The following SUPT6H variants were observed in gnomAD, a reference collection of about 807,000 sequenced individuals.
The protein encoded by SUPT6H is transcription elongation factor SPT6.
In SUPT6H, 11 loss-of-function variants were observed where a neutral mutation model predicts 222.3. That is an observed-to-expected ratio of 0.05 (90% CI 0.03 to 0.08). The LOEUF (loss-of-function observed/expected upper bound fraction) is 0.08. Among genes scored for constraint, SUPT6H ranks in the 10% least tolerant of loss-of-function variants. The probability of loss-of-function intolerance (pLI) is 1.00; values close to 1 mark genes in which losing one functional copy is unlikely to be tolerated. For missense variants in SUPT6H, 1,422 were observed against 2,216.0 expected (o/e 0.64, Z 7.19); for synonymous variants, 762 against 801.2 (o/e 0.95, Z 0.83).
At chr17:28,675,214 C>T (rs898927206) in intron 5 of SUPT6H, 52 bp downstream of exon 5, 2 of 1,557,370 alleles carry the variant, frequency 1.3e-6, no homozygotes, top group Non-Finnish European at 8.7e-7. Flanking sequence ...TTGGGATTTC[C>T]TGGCCCATGG....
At chr17:28,697,194 C>A in intron 30 of SUPT6H, 112 bp downstream of exon 30, 1 of 847,838 alleles carries the variant, frequency 1.2e-6, no homozygotes, top group Non-Finnish European at 1.9e-6. Flanking sequence ...TTTAGCTGTG[C>A]ACAGCAACAA....
Position 28,699,909 on chromosome 17 carries a change from C to T in SUPT6H, c.4561+16C>T. 6.2e-7 allele frequency: 1 copy of T among 1,609,774 alleles called. No individual in the cohort carries two copies. Among genetic ancestry groups the T allele is most frequent in the Non-Finnish European group, 8.5e-7 (1 of 1,176,230 alleles). ...CCTGTACCAGGTGAGTTCTGCTCTT[C>T]CTGACTTCAGGGACGTGGCTGGAGG... On this transcript the variant is annotated intron_variant, in intron 33 of 36. Transcript: ENST00000314616.
At chr17:28,689,073 A>G (rs537133697) in intron 24 of SUPT6H, 1 of 354,848 alleles carries the variant, frequency 2.8e-6, no homozygotes, top group South Asian at 4.0e-5. Flanking sequence ...GTTTTTCTAA[A>G]TTTTATTTTT....
rs763528052 is a variant in SUPT6H, at chr17:28,682,875, G to T, written c.1727+19G>T. On this transcript the variant is annotated intron_variant, in intron 14 of 36. Transcript: ENST00000314616. ...TTTGCAGGTAGGCATGCAGCAGGTG[G>T]CTGACAGGAGGAGGGGCCTGAGGAC... is the stretch of plus-strand genomic sequence containing the variant. The T allele has an allele frequency of 6.2e-7, 1 of 1,614,072 alleles. No homozygotes were observed. Among genetic ancestry groups the T allele is most frequent in the East Asian group, 2.2e-5 (1 of 44,880 alleles).
intron 9 of SUPT6H, 125 bp downstream of exon 9, chr17:28,678,317 T>C: frequency 1.1e-6 from 1 of 925,882 alleles, no homozygotes; most frequent in Middle Eastern, 2.3e-4. Flanking sequence ...CAACAAGTGT[T>C]AGGACCAGCA....
intron 27 of SUPT6H, 27 bp from the exon 28 acceptor site, chr17:28,693,669 A>G (rs779143669): frequency 6.2e-7 from 1 of 1,613,774 alleles, no homozygotes; most frequent in Non-Finnish European, 8.5e-7. Flanking sequence ...ATTGATAATC[A>G]AGCTCTTCTC....
intron 24 of SUPT6H, 134 bp from the exon 25 acceptor site, chr17:28,689,220 T>G (rs2031532354): frequency 1.4e-6 from 1 of 733,870 alleles, no homozygotes; most frequent in Non-Finnish European, 2.2e-6. Context: ...ACCTCATTCT[T>G]GTTAATGGCT....
At chr17:28,679,002 C>G (rs748485889) in intron 11 of SUPT6H, 39 bp downstream of exon 11, 2 of 1,613,274 alleles carry the variant, frequency 1.2e-6, no homozygotes, top group Non-Finnish European at 1.7e-6. Context: ...GGGAAGCCCT[C>G]AGACCCCAAG....
At chr17:28,686,561 C>T in intron 20 of SUPT6H, 93 bp from the exon 21 acceptor site, 6 of 1,539,518 alleles carry the variant, frequency 3.9e-6, no homozygotes, top group Non-Finnish European at 5.3e-6. Context: ...TTCTTCAAAG[C>T]CCTTTCCTCC....
chr17:28,678,439 G>A (rs2030887290), intron 9 of SUPT6H, 106 bp from the exon 10 acceptor site: 2 of 1,183,526 alleles, frequency 1.7e-6, no homozygotes, highest in Admixed American at 1.9e-5. Flanking sequence ...GCTTCTGACT[G>A]TTGAATTTCC....
At chr17:28,677,686 G>C in intron 7 of SUPT6H, 29 bp from the exon 8 acceptor site, 1 of 1,548,178 alleles carries the variant, frequency 6.5e-7, no homozygotes, top group Non-Finnish European at 8.9e-7. Flanking sequence ...GATAAAGTCC[G>C]TCTCACCCTG....
chr17:28,664,926 T>C (rs925159625), intron 1 of SUPT6H, among the ~76,000 whole-genome samples: 1 of 152,208 alleles, frequency 6.6e-6, no homozygotes, highest in African/African-American at 2.4e-5. Flanking sequence ...TTTTGTAATC[T>C]GTCTTCTATT....
intron 1 of SUPT6H, among the ~76,000 whole-genome samples, chr17:28,663,060 C>G (rs2072091467): frequency 1.3e-5 from 2 of 152,260 alleles, no homozygotes; most frequent in South Asian, 4.1e-4. Flanking sequence ...TTTCAGAGGG[C>G]TAAGATCTCT....
Position 28,688,307 on chromosome 17 carries a change from A to G in SUPT6H, c.3134+89A>G, listed in dbSNP as rs2031492814. On this transcript the variant is annotated intron_variant, in intron 24 of 36. Coordinates refer to ENST00000314616, the MANE Select transcript of SUPT6H (RefSeq NM_003170.5). The surrounding 1 kb of genome is among the most constrained non-coding windows in gnomAD (Gnocchi z 4.3). Reference sequence around the variant, plus strand: ...GGGGTTAGGGCTATCAAAGGGCCACAAGCCATTTTAACTTAGGAAATGTTT... The same window carrying G: ...GGGGTTAGGGCTATCAAAGGGCCACGAGCCATTTTAACTTAGGAAATGTTT... 1 of 1,445,562 alleles carries G rather than the reference A, an allele frequency of 6.9e-7. No homozygotes were observed. Among genetic ancestry groups the G allele is most frequent in the Non-Finnish European group, 9.2e-7 (1 of 1,085,322 alleles). 89.5% of individuals were successfully genotyped at this position (1,445,562 alleles called of 1,614,324 possible).
intron 5 of SUPT6H, 72 bp from the exon 6 acceptor site, chr17:28,675,329 G>A: frequency 8.9e-6 from 14 of 1,571,950 alleles, no homozygotes; most frequent in Non-Finnish European, 1.2e-5. Context: ...CACTCACATA[G>A]TAGGAACCAA....
chr17:28,692,691 A>C (rs1280781752), intron 27 of SUPT6H, among the ~76,000 whole-genome samples: 1 of 147,638 alleles, frequency 6.8e-6, no homozygotes, highest in Non-Finnish European at 1.5e-5. Context: ...GCAAAACCCT[A>C]TCTCTACAAA....
chr17:28,668,046 C>T (rs1197317937), intron 1 of SUPT6H, among the ~76,000 whole-genome samples: 1 of 152,144 alleles, frequency 6.6e-6, no homozygotes, highest in African/African-American at 2.4e-5. Context: ...AGAGGGCCTC[C>T]CTTGTGGCAA....
At chr17:28,672,833 G>A (rs1049513382) in intron 1 of SUPT6H, 2 of 152,170 alleles carry the variant, frequency 1.3e-5, no homozygotes, top group African/African-American at 4.8e-5. Flanking sequence ...CTCCTGAGTA[G>A]CCTGGCTTTT....
rs777292621 is a variant in SUPT6H at position 28,673,474 on chromosome 17, C to T, written c.73C>T (p.Arg25Ter). ...EYNDEGEVVP[R>*]VTKKFVEEED... ...CAATGATGAAGGCGAGGTGGTACCC[C>T]GAGTCACCAAGAAATTTGTGGAAGA... The change falls in exon 2 of 37, where the codon CGA (arginine) becomes TGA (stop). Residue 25 changes from arginine to a stop codon, truncating the protein, a stop_gained. Coordinates refer to ENST00000314616, the MANE Select transcript of SUPT6H (RefSeq NM_003170.5). LOFTEE classifies it high-confidence loss of function. 1.2e-6 allele frequency: 2 copies of T among 1,613,600 alleles called. No homozygotes were observed. The highest frequency in any genetic ancestry group is 8.5e-7 in the Non-Finnish European group (1 of 1,179,944).
Sources: allele counts gnomAD v4.1 joint callset (sites outside exome capture counted in the v4.1 genomes callset), GRCh38; gene constraint gnomAD v4.1.1; non-coding constraint Gnocchi (gnomAD v3.1); transcripts MANE v1.5; gene names NCBI Gene and HGNC (gene_info 2026-07-23, HGNC 2026-07-21).